Variants in DPF1 observed in about 807,000 individuals in gnomAD.
DPF1 encodes zinc finger protein neuro-d4.
A neutral mutation model predicts 58.7 loss-of-function variants in DPF1; 14 were observed. The ratio of observed to expected loss-of-function variants is 0.24; its 90% confidence interval spans 0.16 to 0.37. The LOEUF (loss-of-function observed/expected upper bound fraction) is 0.37, where lower values mean the gene tolerates loss of function less well. Among genes scored for constraint, DPF1 ranks in the 10% least tolerant of loss-of-function variants. The pLI, the probability that DPF1 is intolerant of heterozygous loss-of-function variation, is 1.00. For synonymous variants in DPF1, 216 were observed against 216.0 expected, an observed-to-expected ratio of 1.00 and a Z score of 0.00; for missense variants, 345 against 529.9, an observed-to-expected ratio of 0.65 and a Z score of 3.43.
upstream of DPF1, among the ~76,000 whole-genome samples, chr19:38,226,284 C>T (rs1186089891): frequency 6.8e-6 from 1 of 147,106 alleles, no homozygotes; most frequent in Non-Finnish European, 1.5e-5. Flanking sequence ...CCTTCCCACC[C>T]CTTCTCCCCC....
chr19:38,212,237 T>TGGGGGGGGGGGGGGCGC, intron 11 of DPF1, 43 bp downstream of exon 11: 1 of 1,256,812 alleles, frequency 8.0e-7, no homozygotes, highest in Non-Finnish European at 1.1e-6. Flanking sequence ...GGAGATGGCG[T>TGGGGGGGGGGGGGGCGC]TCCCACCCAC....
intron 9 of DPF1, among the ~76,000 whole-genome samples, chr19:38,215,024 G>A: frequency 6.6e-6 from 1 of 151,138 alleles, no homozygotes; most frequent in East Asian, 2.0e-4. Flanking sequence ...TTATAGAGAT[G>A]GGGTTTCACC....
chr19:38,229,636 C>T lies in DPF1; in HGVS notation c.-209G>A, dbSNP rs1967966801. On this transcript the variant is annotated 5_prime_UTR_variant, in exon 1 of 12. Transcript: ENST00000412732. The surrounding 1 kb of genome is among the most constrained non-coding windows in gnomAD (Gnocchi z 5.3). ...CTCCGGCCCGGGGCGCCGCTGCCGC[C>T]GCGCGCGGGCCCAGCCCGGCCTGCG... The T allele has an allele frequency of 1.3e-5, 13 of 983,760 alleles. No individual in the cohort carries two copies. Among genetic ancestry groups the T allele is most frequent in the Non-Finnish European group, 1.6e-5 (13 of 823,592 alleles). 60.9% of individuals were successfully genotyped at this position (983,760 alleles called of 1,614,324 possible).
intron 3 of DPF1, 21 bp from the exon 4 acceptor site, chr19:38,219,079 G>T: frequency 6.2e-7 from 1 of 1,612,316 alleles, no homozygotes; most frequent in South Asian, 1.1e-5. Context: ...GGCCATGGGG[G>T]GGTCAGATGG....
chr19:38,214,046 CCCACAACACCGTGGCAA>C, intron 9 of DPF1: 1 of 368,328 alleles, frequency 2.7e-6, no homozygotes. Context: ...CTTTCTACCA[CCCACAACACCGTGGCAA>C]CCACATTCTG....
chr19:38,223,577 T>A (rs1967659418), intron 1 of DPF1, among the ~76,000 whole-genome samples: 1 of 151,742 alleles, frequency 6.6e-6, no homozygotes, highest in Admixed American at 6.6e-5. Flanking sequence ...CAGCCCTACA[T>A]ACCCAAAAAC....
chr19:38,227,493 G>C (rs996865210), upstream of DPF1, among the ~76,000 whole-genome samples: 4 of 151,860 alleles, frequency 2.6e-5, no homozygotes, highest in African/African-American at 9.7e-5. Flanking sequence ...CTACACACTT[G>C]AACTCCCAGT....
intron 3 of DPF1, among the ~76,000 whole-genome samples, chr19:38,220,857 G>A (rs570708426): frequency 2.0e-5 from 3 of 152,072 alleles, no homozygotes; most frequent in East Asian, 3.9e-4. Context: ...ACAGACCCTC[G>A]GACTCAGGAA....
chr19:38,227,034 C>CTT (rs1967862384), upstream of DPF1, among the ~76,000 whole-genome samples: 1 of 135,088 alleles, frequency 7.4e-6, no homozygotes, highest in South Asian at 2.3e-4. Context: ...TCCTTCCTTC[C>CTT]TTTCTTTCTT....
At chr19:38,223,979 C>T (rs1329681229) in intron 1 of DPF1, 135 bp downstream of exon 1, 3 of 1,203,640 alleles carry the variant, frequency 2.5e-6, no homozygotes, top group Admixed American at 8.2e-5. Flanking sequence ...CACACACTCT[C>T]GCACCCCCGC....
Position 38,218,631 on chromosome 19 carries a change from A to C in DPF1, c.458T>G (p.Leu153Arg). 6.2e-7 allele frequency: 1 copy of C among 1,614,212 alleles called. No homozygotes were observed. Among genetic ancestry groups the C allele is most frequent in the Non-Finnish European group, 8.5e-7 (1 of 1,180,040 alleles). Residue 153 changes from leucine to arginine, a missense_variant, in exon 5 of 12, where the codon CTC becomes CGC. Physicochemically the swap from Leu to Arg is moderately radical, Grantham distance 102 (BLOSUM62 -2). Transcript: ENST00000355526. ...KQQLLEFPHD[L>R]EVEDLEDDIP... Reference sequence around the variant, plus strand: ...GTCATCCTCCAAGTCTTCCACCTCGAGGTCATGCGGAAACTCCAGCAACTG... The same window carrying C: ...GTCATCCTCCAAGTCTTCCACCTCGCGGTCATGCGGAAACTCCAGCAACTG...
chr19:38,213,516 A>G, intron 10 of DPF1, 128 bp downstream of exon 10: 2 of 768,614 alleles, frequency 2.6e-6, no homozygotes, highest in South Asian at 1.6e-5. Context: ...GGACACCGGC[A>G]TAATGATAAC....
chr19:38,214,560 T>C (rs1973712644), intron 9 of DPF1, among the ~76,000 whole-genome samples: 1 of 152,210 alleles, frequency 6.6e-6, no homozygotes, highest in Non-Finnish European at 1.5e-5. Flanking sequence ...CACAACTCTA[T>C]GGCGAGCTCA....
At chr19:38,217,729 G>C in intron 6 of DPF1, 69 bp downstream of exon 6, 2 of 1,604,290 alleles carry the variant, frequency 1.2e-6, no homozygotes, top group Non-Finnish European at 8.5e-7. Flanking sequence ...ACGGGAGGGA[G>C]AGGGCCACGA....
Position 38,222,012 on chromosome 19 carries a change from A to G in DPF1, c.298+345T>C, listed in dbSNP as rs1967513547. Among the ~76,000 whole-genome samples the G allele has an allele frequency of 6.6e-6, 1 of 152,024 alleles. No homozygotes were observed. Among genetic ancestry groups the G allele is most frequent in the Admixed American group, 6.6e-5 (1 of 15,252 alleles). Reference sequence around the variant, plus strand: ...AGAATCGCTTGAACCTGCTAGGCGGAAGTTGCGGGTTCAAGGTTCAACTCC... The same window carrying G: ...AGAATCGCTTGAACCTGCTAGGCGGGAGTTGCGGGTTCAAGGTTCAACTCC... On this transcript the variant is annotated intron_variant, in intron 3 of 11. Transcript: ENST00000355526. The surrounding 1 kb of genome is among the most constrained non-coding windows in gnomAD (Gnocchi z 4.9).
intron 7 of DPF1, among the ~76,000 whole-genome samples, chr19:38,216,893 G>A (rs1329176732): frequency 6.6e-6 from 1 of 152,142 alleles, no homozygotes; most frequent in Non-Finnish European, 1.5e-5. Context: ...CAAATTCAGC[G>A]AGTACCCCAG....
At chr19:38,225,545 G>T (rs1024874542), upstream of DPF1, among the ~76,000 whole-genome samples, 1 of 151,876 alleles carries the variant, frequency 6.6e-6, no homozygotes, top group African/African-American at 2.4e-5. Flanking sequence ...CTCCAGCCTG[G>T]GTGGCAGAGC....
intron 5 of DPF1, among the ~76,000 whole-genome samples, 197 bp from the exon 6 acceptor site, chr19:38,218,073 G>A (rs1461488524): frequency 3.9e-5 from 6 of 152,200 alleles, no homozygotes; most frequent in Middle Eastern, 3.4e-3. Context: ...ATGGTGGCGC[G>A]TGCCTGTAGT....
chr19:38,229,603 T>A lies in DPF1; in HGVS notation c.-176A>T. ...TGGCGGTGGCCATGGCCCGCTCGGC[T>A]GGGCCGCCTCCGGCCCGGGGCGCCG... On this transcript the variant is annotated 5_prime_UTR_variant, in exon 1 of 12. Coordinates refer to the DPF1 transcript ENST00000412732. The surrounding 1 kb of genome is among the most constrained non-coding windows in gnomAD (Gnocchi z 5.3). 1 of 1,110,920 alleles carries A rather than the reference T, an allele frequency of 9.0e-7. No homozygotes were observed. The highest frequency in any genetic ancestry group is 1.1e-6 in the Non-Finnish European group (1 of 910,676). The allele number at this position is 1,110,920 out of a possible 1,614,324, so 68.8% of individuals were successfully genotyped here.
Sources: allele counts gnomAD v4.1 joint callset (sites outside exome capture counted in the v4.1 genomes callset), GRCh38; gene constraint gnomAD v4.1.1; non-coding constraint Gnocchi (gnomAD v3.1); transcripts MANE v1.5; gene names NCBI Gene and HGNC (gene_info 2026-07-23, HGNC 2026-07-21).